The following ITSN2 variants were observed in gnomAD, a reference collection of about 807,000 sequenced individuals.
ITSN2 encodes intersectin-2.
A neutral mutation model predicts 243.7 loss-of-function variants in ITSN2; 156 were observed. That is an observed-to-expected ratio of 0.64 (90% CI 0.56 to 0.73). The LOEUF is 0.73. Among genes scored for constraint, ITSN2 ranks in the 30% least tolerant of loss-of-function variants. The pLI is 0.00. For missense variants in ITSN2, 1,801 were observed against 1,996.1 expected (o/e 0.90, Z 1.86); for synonymous variants, 703 against 699.9 (o/e 1.00, Z -0.07).
Position 24,246,181 on chromosome 2 carries a change from G to A in ITSN2, c.3525C>T (p.Leu1175=). 1 of 1,613,628 alleles carries A rather than the reference G, an allele frequency of 6.2e-7. No individual in the cohort carries two copies. The highest frequency in any genetic ancestry group is 8.5e-7 in the Non-Finnish European group (1 of 1,179,652). Residue 1175 remains leucine (L), a synonymous_variant, in exon 29 of 40, where the codon CTC becomes CTT. Transcript: ENST00000355123. ...WQGEINGVTG[L]FPSNYVKMTT... ...TCATCTTAACGTAGTTTGAAGGAAA[G>A]AGACCAGTCACCCCGTTGATCTCTC...
intron 1 of ITSN2, among the ~76,000 whole-genome samples, chr2:24,337,323 T>TATATATACATATAC (rs745459301): frequency 1.1e-5 from 1 of 89,428 alleles, no homozygotes; most frequent in African/African-American, 4.7e-5. Flanking sequence ...AAAATATATA[T>TATATATACATATAC]ATATATATAT....
intron 1 of ITSN2, among the ~76,000 whole-genome samples, chr2:24,333,110 A>G (rs952663609): frequency 6.6e-6 from 1 of 152,262 alleles, no homozygotes; most frequent in Non-Finnish European, 1.5e-5. Flanking sequence ...GCCCAAATTC[A>G]GTATGTCATG....
At chr2:24,317,467 C>A (rs908476424) in intron 2 of ITSN2, among the ~76,000 whole-genome samples, 11 of 151,872 alleles carry the variant, frequency 7.2e-5, no homozygotes, top group Admixed American at 7.2e-4. Flanking sequence ...GCTACTGGAT[C>A]AATGAAGGCT....
intron 2 of ITSN2, among the ~76,000 whole-genome samples, chr2:24,317,935 A>G (rs576002071): frequency 1.4e-3 from 211 of 152,294 alleles, no homozygotes; most frequent in Admixed American, 2.7e-3. Flanking sequence ...AACTATTGAC[A>G]GTATTTTTTT....
chr2:24,290,461 C>T (rs559362309), intron 15 of ITSN2, among the ~76,000 whole-genome samples: 5 of 152,192 alleles, frequency 3.3e-5, no homozygotes, highest in African/African-American at 1.2e-4. Flanking sequence ...AGTGTTTATG[C>T]TGTCTTTCAT....
chr2:24,313,640 AAAG>A (rs1683537431), intron 3 of ITSN2, 117 bp from the exon 4 acceptor site: 2 of 623,596 alleles, frequency 3.2e-6, no homozygotes, highest in Non-Finnish European at 5.4e-6. Flanking sequence ...ACCAATCATT[AAAG>A]AATAAGTGAA....
upstream of ITSN2, among the ~76,000 whole-genome samples, chr2:24,360,904 C>G (rs1354283824): frequency 6.6e-6 from 1 of 152,248 alleles, no homozygotes; most frequent in Non-Finnish European, 1.5e-5. Context: ...TTGCACCCAC[C>G]ACGGGGTTCT....
At chr2:24,291,998 T>A (rs1178206136) in intron 15 of ITSN2, among the ~76,000 whole-genome samples, 1 of 152,174 alleles carries the variant, frequency 6.6e-6, no homozygotes, top group Non-Finnish European at 1.5e-5. Flanking sequence ...GAACCTCAGT[T>A]TTCCTGAGCT....
intron 29 of ITSN2, among the ~76,000 whole-genome samples, chr2:24,237,886 A>G (rs1672339912): frequency 6.6e-6 from 1 of 152,188 alleles, no homozygotes; most frequent in Non-Finnish European, 1.5e-5. Flanking sequence ...AGTGATTCCA[A>G]CATACAGCTG....
At chr2:24,217,881 A>G in intron 31 of ITSN2, 26 bp downstream of exon 31, 3 of 1,525,020 alleles carry the variant, frequency 2.0e-6, no homozygotes, top group Non-Finnish European at 2.7e-6. Context: ...GGTCAGCGGC[A>G]ATGACAGGTG....
chr2:24,350,525 C>G (rs1234461982), intron 1 of ITSN2, among the ~76,000 whole-genome samples: 1 of 152,156 alleles, frequency 6.6e-6, no homozygotes, highest in Non-Finnish European at 1.5e-5. Flanking sequence ...CACAAATGCT[C>G]ACAGCAGCAT....
intron 25 of ITSN2, 149 bp downstream of exon 25, chr2:24,252,196 G>A (rs993511919): frequency 4.9e-6 from 3 of 616,124 alleles, no homozygotes; most frequent in Non-Finnish European, 8.2e-6. Flanking sequence ...CAGTTTCTTT[G>A]TAACCAAAGC....
At chr2:24,357,700 T>A (rs547910103) in intron 1 of ITSN2, among the ~76,000 whole-genome samples, 137 of 152,092 alleles carry the variant, frequency 9.0e-4, no homozygotes, top group African/African-American at 3.2e-3. Context: ...AAAACTTGAA[T>A]CCAAAAAAAG....
At chr2:24,259,597 T>G (rs531275012) in intron 22 of ITSN2, among the ~76,000 whole-genome samples, 1 of 152,348 alleles carries the variant, frequency 6.6e-6, no homozygotes, top group South Asian at 2.1e-4. Context: ...CCATGAATCC[T>G]GTATTCCAGC....
intron 23 of ITSN2, 58 bp from the exon 24 acceptor site, chr2:24,254,489 A>G (rs1674765543): frequency 7.1e-7 from 1 of 1,415,086 alleles, no homozygotes; most frequent in Non-Finnish European, 9.9e-7. Flanking sequence ...AAAAATAAGA[A>G]AGGTGATTTG....
chr2:24,351,680 C>T (rs1448345333), intron 1 of ITSN2, among the ~76,000 whole-genome samples: 1 of 152,174 alleles, frequency 6.6e-6, no homozygotes, highest in African/African-American at 2.4e-5. Context: ...GCATTGCCCG[C>T]ATCTGTCCCA....
intron 15 of ITSN2, among the ~76,000 whole-genome samples, chr2:24,292,777 C>T (rs1354743328): frequency 6.6e-6 from 1 of 152,214 alleles, no homozygotes; most frequent in African/African-American, 2.4e-5. Context: ...ACAGATAAAC[C>T]ACACTGCCTA....
At chr2:24,307,324 C>T (rs1424810686) in intron 8 of ITSN2, among the ~76,000 whole-genome samples, 1 of 150,746 alleles carries the variant, frequency 6.6e-6, no homozygotes, top group Non-Finnish European at 1.5e-5. Flanking sequence ...AATTGTAGCA[C>T]ACATCCTAAT....
intron 1 of ITSN2, among the ~76,000 whole-genome samples, chr2:24,332,302 A>G (rs1199707922): frequency 6.6e-6 from 1 of 152,154 alleles, no homozygotes; most frequent in South Asian, 2.1e-4. Context: ...TGCCTGAAAT[A>G]CCATGATTGT....
Sources: allele counts gnomAD v4.1 joint callset (sites outside exome capture counted in the v4.1 genomes callset), GRCh38; gene constraint gnomAD v4.1.1; transcripts MANE v1.5; gene names NCBI Gene and HGNC (gene_info 2026-07-23, HGNC 2026-07-21).